Variants in PTPRD observed in about 807,000 individuals in gnomAD.
The protein encoded by PTPRD is receptor-type tyrosine-protein phosphatase delta.
PTPRD carries 34 observed loss-of-function variants against 214.5 expected under a neutral mutation model. The observed-to-expected ratio is 0.16, with a 90% CI of 0.12 to 0.21. PTPRD has a LOEUF of 0.21. Ranked by LOEUF, PTPRD falls within the 10% of genes least tolerant of loss-of-function variation. PTPRD has a pLI of 1.00. For missense variants in PTPRD, 2,545 were observed against 2,398.7 expected (o/e 1.06, Z -1.27); for synonymous variants, 1,128 against 845.7 (o/e 1.33, Z -5.79).
At chr9:10,463,888 A>ATACC (rs1368222999) in intron 2 of PTPRD, among the ~76,000 whole-genome samples, 1 of 152,166 alleles carries the variant, frequency 6.6e-6, no homozygotes, top group Non-Finnish European at 1.5e-5. Context: ...TACCATCAAA[A>ATACC]TACCCCTTTT....
intron 4 of PTPRD, among the ~76,000 whole-genome samples, chr9:9,989,600 C>A (rs1170342917): frequency 6.6e-6 from 1 of 152,116 alleles, no homozygotes; most frequent in East Asian, 1.9e-4. Flanking sequence ...TCCATATTCA[C>A]CACCCTCCAA....
chr9:8,817,263 G>C (rs998787320), intron 11 of PTPRD, among the ~76,000 whole-genome samples: 1 of 152,160 alleles, frequency 6.6e-6, no homozygotes, highest in African/African-American at 2.4e-5. Flanking sequence ...CTGACACTCA[G>C]CTCCAGAGCC....
intron 44 of PTPRD, among the ~76,000 whole-genome samples, chr9:8,331,187 A>G (rs1840378199): frequency 6.7e-6 from 1 of 148,776 alleles, no homozygotes; most frequent in African/African-American, 2.6e-5. Flanking sequence ...ATTAGGATTT[A>G]TTTGATAGCT....
At chr9:8,739,314 G>A (rs962612606) in intron 11 of PTPRD, among the ~76,000 whole-genome samples, 4 of 152,218 alleles carry the variant, frequency 2.6e-5, no homozygotes, top group Non-Finnish European at 5.9e-5. Flanking sequence ...AGAGAAGGGA[G>A]CCATCTAAAT....
At chr9:9,113,362 G>C (rs1482103635) in intron 10 of PTPRD, among the ~76,000 whole-genome samples, 1 of 152,034 alleles carries the variant, frequency 6.6e-6, no homozygotes, top group Non-Finnish European at 1.5e-5. Flanking sequence ...TTACTATGCA[G>C]TGACCACACA....
chr9:8,427,272 G>A (rs1274674008), intron 35 of PTPRD, among the ~76,000 whole-genome samples: 1 of 152,184 alleles, frequency 6.6e-6, no homozygotes, highest in Non-Finnish European at 1.5e-5. Flanking sequence ...TGAGAGAAAA[G>A]AGCCTGAAAA....
intron 3 of PTPRD, among the ~76,000 whole-genome samples, chr9:10,178,753 T>C (rs1165759675): frequency 2.0e-5 from 3 of 151,980 alleles, no homozygotes; most frequent in Non-Finnish European, 4.4e-5. Context: ...CTGTGCATTA[T>C]AGGATGTTTA....
intron 44 of PTPRD, among the ~76,000 whole-genome samples, chr9:8,327,609 T>C (rs1203166223): frequency 1.3e-5 from 2 of 152,124 alleles, no homozygotes; most frequent in African/African-American, 4.8e-5. Context: ...TTCTATCTCA[T>C]TGATCTGTCT....
intron 12 of PTPRD, among the ~76,000 whole-genome samples, chr9:8,657,328 C>G (rs2096931999): frequency 6.6e-6 from 1 of 151,930 alleles, no homozygotes; most frequent in African/African-American, 2.4e-5. Flanking sequence ...CCACCATACC[C>G]ACCTAATTTT....
At chr9:9,254,185 G>A (rs1365833664) in intron 9 of PTPRD, among the ~76,000 whole-genome samples, 3 of 152,034 alleles carry the variant, frequency 2.0e-5, no homozygotes, top group Non-Finnish European at 4.4e-5. Flanking sequence ...TAGGATGTGA[G>A]CACATCTTAT....
chr9:10,522,956 T>C (rs1247081539), intron 2 of PTPRD, among the ~76,000 whole-genome samples: 1 of 152,068 alleles, frequency 6.6e-6, no homozygotes, highest in Non-Finnish European at 1.5e-5. Context: ...ATTAATGTTC[T>C]GTGAGGGGGT....
intron 35 of PTPRD, among the ~76,000 whole-genome samples, chr9:8,419,272 A>T (rs1483820332): frequency 6.6e-6 from 1 of 151,654 alleles, no homozygotes; most frequent in East Asian, 1.9e-4. Flanking sequence ...CAATATTATT[A>T]ATCAAGCTAT....
intron 12 of PTPRD, among the ~76,000 whole-genome samples, chr9:8,647,501 T>C (rs779264065): frequency 7.9e-5 from 12 of 152,214 alleles, no homozygotes; most frequent in African/African-American, 1.9e-4. Context: ...ATCATGTTTA[T>C]ATTATAAAGA....
At chr9:9,654,215 T>G (rs896179532) in intron 7 of PTPRD, among the ~76,000 whole-genome samples, 1 of 152,160 alleles carries the variant, frequency 6.6e-6, no homozygotes, top group Non-Finnish European at 1.5e-5. Flanking sequence ...ATAACCTTAT[T>G]GTCTCCTAAT....
chr9:8,467,596 A>AT (rs1382607225), intron 31 of PTPRD, among the ~76,000 whole-genome samples: 9 of 151,800 alleles, frequency 5.9e-5, no homozygotes, highest in African/African-American at 9.7e-5. Context: ...CATGTTAGAG[A>AT]TTTTTTCAAC....
chr9:8,373,804 T>TTATGTATGTATG (rs778163862), intron 39 of PTPRD, among the ~76,000 whole-genome samples: 2 of 126,910 alleles, frequency 1.6e-5, no homozygotes, highest in Admixed American at 7.9e-5. Flanking sequence ...ATTTTAAAAA[T>TTATGTATGTATG]TATGTATGTA....
In PTPRD at chr9:9,441,370, A is replaced by C. The variant is rs1168102841; in HGVS notation, c.-236-43888T>G. Among the ~76,000 whole-genome samples, 9 of 152,324 alleles carry C rather than the reference A, an allele frequency of 5.9e-5. 1 individual carries two copies. The highest frequency in any genetic ancestry group is 4.1e-4 in the South Asian group (2 of 4,830). The stretch of plus-strand genomic sequence containing the variant: ...GATGAATAGGAAGAAGACAGGTAAA[A>C]AGGTAGAAATAAACTGCTAGACAAA... On this transcript the variant is annotated intron_variant, in intron 8 of 45. Coordinates refer to ENST00000381196, the MANE Select transcript of PTPRD (RefSeq NM_002839.4).
At position 9,642,709 on chromosome 9, in the gene PTPRD, C is replaced by A. The variant is rs534138432; in HGVS notation, c.-286-67928G>T. 2.0e-5 allele frequency among the ~76,000 whole-genome samples: 3 copies of A among 152,262 alleles called. No homozygotes were observed. The South Asian group carries it at 6.2e-4, about 32-fold the overall frequency. ...GTGTTGGTTCTAAAGAAAACACACA[C>A]AGAGGTAAATAGTAAGGATCATATT... On this transcript the variant is annotated intron_variant, in intron 7 of 45. Coordinates refer to ENST00000381196, the MANE Select transcript of PTPRD (RefSeq NM_002839.4).
chr9:8,331,473 C>T, intron 44 of PTPRD, 109 bp downstream of exon 44: 1 of 1,264,418 alleles, frequency 7.9e-7, no homozygotes, highest in Non-Finnish European at 1.1e-6. Flanking sequence ...TTTTGTAATA[C>T]ATTGCCAAGA....
Sources: allele counts gnomAD v4.1 joint callset (sites outside exome capture counted in the v4.1 genomes callset), GRCh38; gene constraint gnomAD v4.1.1; transcripts MANE v1.5; gene names NCBI Gene and HGNC (gene_info 2026-07-23, HGNC 2026-07-21).